Variants in RBM26 observed in about 807,000 individuals in gnomAD.
RBM26 encodes RNA-binding protein 26.
Under a neutral mutation model 123.6 loss-of-function variants are expected in RBM26, and 30 were observed. The ratio of observed to expected loss-of-function variants is 0.24; its 90% confidence interval spans 0.18 to 0.33. RBM26 has a LOEUF of 0.33. RBM26 is among the 10% of genes least tolerant of loss of function. The probability of loss-of-function intolerance (pLI) is 1.00; values close to 1 mark genes in which losing one functional copy is unlikely to be tolerated. For missense variants in RBM26, 947 were observed against 1,203.6 expected (o/e 0.79, Z 3.15); for synonymous variants, 400 against 404.4 (o/e 0.99, Z 0.13).
intron 11 of RBM26, among the ~76,000 whole-genome samples, chr13:79,357,481 C>G (rs1291948533): frequency 6.6e-6 from 1 of 151,872 alleles, no homozygotes; most frequent in Non-Finnish European, 1.5e-5. Flanking sequence ...TTACATATAC[C>G]CAAGCCAAGG....
chr13:79,312,821 C>T (rs990905290), exon 5 of RBM26: 1 of 151,830 alleles, frequency 6.6e-6, no homozygotes, highest in Admixed American at 6.6e-5. Flanking sequence ...TAATAAATCA[C>T]AAGGAATCAG....
chr13:79,312,556 G>C (rs1187898922), exon 5 of RBM26: 1 of 151,954 alleles, frequency 6.6e-6, no homozygotes, highest in African/African-American at 2.4e-5. Flanking sequence ...TTAAAGCAAA[G>C]CAGGATTACA....
chr13:79,337,664 C>T (rs961851554), intron 18 of RBM26, among the ~76,000 whole-genome samples: 1 of 152,188 alleles, frequency 6.6e-6, no homozygotes, highest in Non-Finnish European at 1.5e-5. Context: ...TACCTACATT[C>T]ACAATAAATA....
intron 19 of RBM26, among the ~76,000 whole-genome samples, chr13:79,335,142 TC>T (rs1301987528): frequency 1.3e-5 from 2 of 151,664 alleles, no homozygotes; most frequent in African/African-American, 2.4e-5. Flanking sequence ...TTCCTAATTA[TC>T]CCCCCCAAAA....
chr13:79,383,748 G>GA (rs1476457032), intron 1 of RBM26, among the ~76,000 whole-genome samples: 1 of 152,028 alleles, frequency 6.6e-6, no homozygotes, highest in African/African-American at 2.4e-5. Flanking sequence ...GTGCTCTGAG[G>GA]AAAAATCCAG....
chr13:79,325,004 TC>T (rs2068157664), intron 20 of RBM26, among the ~76,000 whole-genome samples: 1 of 151,916 alleles, frequency 6.6e-6, no homozygotes, highest in South Asian at 2.1e-4. Context: ...ACAAAAGTGG[TC>T]CCCTAAGATT....
intron 1 of RBM26, among the ~76,000 whole-genome samples, chr13:79,401,288 C>T (rs372542998): frequency 2.0e-5 from 3 of 152,128 alleles, no homozygotes; most frequent in Non-Finnish European, 2.9e-5. Context: ...CTGATAATCA[C>T]GATGCTTTAG....
downstream of RBM26, among the ~76,000 whole-genome samples, chr13:79,318,550 TA>T (rs1234585104): frequency 6.6e-6 from 1 of 151,320 alleles, no homozygotes; most frequent in African/African-American, 2.4e-5. Flanking sequence ...TTAATGTTGG[TA>T]AGATTTAATC....
intron 21 of RBM26, among the ~76,000 whole-genome samples, chr13:79,321,983 G>C (rs942503753): frequency 2.6e-5 from 4 of 151,244 alleles, no homozygotes; most frequent in African/African-American, 9.7e-5. Context: ...TGACTAAAAT[G>C]ATAAATGAAT....
intron 1 of RBM26, among the ~76,000 whole-genome samples, chr13:79,385,058 T>A (rs7330479): frequency 0.5 from 76,714 of 151,936 alleles, 19,769 homozygotes; most frequent in Middle Eastern, 0.6. Flanking sequence ...GTTAACTGAG[T>A]AACTTTAGAA....
At chr13:79,347,177 C>T (rs2072473161) in intron 14 of RBM26, among the ~76,000 whole-genome samples, 1 of 152,076 alleles carries the variant, frequency 6.6e-6, no homozygotes, top group African/African-American at 2.4e-5. Context: ...TAGAAGTATT[C>T]CCATTTCCTT....
At chr13:79,324,189 A>G (rs1000451360) in intron 20 of RBM26, among the ~76,000 whole-genome samples, 14 of 151,664 alleles carry the variant, frequency 9.2e-5, no homozygotes, top group Non-Finnish European at 1.8e-4. Flanking sequence ...TCCTACATAT[A>G]TTTTTCTACA....
intron 1 of RBM26, among the ~76,000 whole-genome samples, chr13:79,392,035 T>C (rs1261403775): frequency 9.6e-6 from 1 of 104,592 alleles, no homozygotes; most frequent in Admixed American, 1.2e-4. Context: ...TATAATTATA[T>C]ATTATACAAT....
chr13:79,401,436 G>A (rs928955938), intron 1 of RBM26, among the ~76,000 whole-genome samples: 1 of 152,138 alleles, frequency 6.6e-6, no homozygotes, highest in South Asian at 2.1e-4. Context: ...GAGTCAAAAA[G>A]CCTTAGTTTA....
At chr13:79,405,174 C>CG (rs962755079) in intron 1 of RBM26, among the ~76,000 whole-genome samples, 2 of 152,120 alleles carry the variant, frequency 1.3e-5, no homozygotes, top group African/African-American at 4.8e-5. Flanking sequence ...AACGCGTAGG[C>CG]GGGAAAGGGG....
chr13:79,371,978 C>T (rs1421891454), intron 3 of RBM26, 48 bp from the exon 4 acceptor site: 4 of 1,291,880 alleles, frequency 3.1e-6, no homozygotes, highest in South Asian at 1.2e-5. Context: ...AATTATTCCA[C>T]TGTTAAATAG....
At position 79,375,581 on chromosome 13, in the gene RBM26, C is replaced by A. The variant is rs373758208; in HGVS notation, c.327+1798G>T. Among the ~76,000 whole-genome samples the A allele has an allele frequency of 2.0e-5, 3 of 152,208 alleles. No homozygotes were observed. In the East Asian group the frequency reaches 5.8e-4, roughly 29 times the overall value. On this transcript the variant is annotated intron_variant, in intron 3 of 21. Coordinates refer to ENST00000438737, the MANE Select transcript of RBM26 (RefSeq NM_001366735.2). ...TATGTTGCATAAGCAATTGCCAACA[C>A]AATATACACCGTCCCTTTCTTCCTA...
chr13:79,322,519 T>A (rs2067805342), intron 20 of RBM26, 57 bp from the exon 21 acceptor site: 2 of 1,151,172 alleles, frequency 1.7e-6, no homozygotes, highest in Non-Finnish European at 2.4e-6. Flanking sequence ...AAGAAAAAAA[T>A]AAATGTCATA....
At chr13:79,316,129 C>G (rs532596145), downstream of RBM26, among the ~76,000 whole-genome samples, 1 of 149,530 alleles carries the variant, frequency 6.7e-6, no homozygotes, top group Non-Finnish European at 1.5e-5. Context: ...GTTAACTAAG[C>G]CAGAATTTCA....
Sources: allele counts gnomAD v4.1 joint callset (sites outside exome capture counted in the v4.1 genomes callset), GRCh38; gene constraint gnomAD v4.1.1; transcripts MANE v1.5; gene names NCBI Gene and HGNC (gene_info 2026-07-23, HGNC 2026-07-21).